Variants in CSNK1G2 observed in about 807,000 individuals in gnomAD.
The protein encoded by CSNK1G2 is casein kinase 1 gamma 2.
A neutral mutation model predicts 48.0 loss-of-function variants in CSNK1G2; 11 were observed. The ratio of observed to expected loss-of-function variants is 0.23; its 90% CI spans 0.14 to 0.38. CSNK1G2 has a LOEUF of 0.38. Ranked by LOEUF, CSNK1G2 falls within the 10% of genes least tolerant of loss-of-function variation. The pLI is 1.00. For synonymous variants in CSNK1G2, 337 were observed against 254.1 expected, an observed-to-expected ratio of 1.33 and a Z score of -3.10; for missense variants, 446 against 595.5, an observed-to-expected ratio of 0.75 and a Z score of 2.61.
At chr19:1,956,163 G>A (rs1364652201) in intron 1 of CSNK1G2, among the ~76,000 whole-genome samples, 2 of 152,144 alleles carry the variant, frequency 1.3e-5, no homozygotes, top group African/African-American at 2.4e-5. Flanking sequence ...CCACCCAGAC[G>A]AGGGGCCGGG....
At position 1,979,166 on chromosome 19, in the gene CSNK1G2, A is replaced by AGAGCC; in HGVS notation, c.688_692dup (p.Arg232AlafsTer135). On this transcript the variant is annotated frameshift_variant, in exon 7 of 12. Transcript: ENST00000255641. LOFTEE classifies it high-confidence loss of function. ...GGCTGCGCCCCTGTCCCCGCAGAGC[A>AGAGCC]GAGCCGCCGCGACGACCTGGAGGCG... The AGAGCC allele has an allele frequency of 1.3e-6, 2 of 1,528,396 alleles. No individual in the cohort carries two copies. Among genetic ancestry groups the AGAGCC allele is most frequent in the Non-Finnish European group, 1.8e-6 (2 of 1,136,730 alleles). 94.7% of individuals were successfully genotyped at this position (1,528,396 alleles called of 1,614,324 possible). A position where few individuals can be genotyped will look rare whatever the true frequency, so the allele number is the denominator to read the frequency against.
chr19:1,943,967 G>A (rs897172287), intron 1 of CSNK1G2, among the ~76,000 whole-genome samples: 3 of 152,172 alleles, frequency 2.0e-5, no homozygotes, highest in Non-Finnish European at 4.4e-5. Flanking sequence ...TGCGGGCCTC[G>A]GGTGGCAGTG....
intron 1 of CSNK1G2, chr19:1,968,827 C>G (rs1177391959): frequency 1.3e-5 from 2 of 152,614 alleles, no homozygotes; most frequent in African/African-American, 4.8e-5. Flanking sequence ...TCCGACCCAG[C>G]CTGGCATCAT....
intron 1 of CSNK1G2, among the ~76,000 whole-genome samples, chr19:1,966,665 CAG>C (rs528186070): frequency 5.2e-4 from 79 of 152,218 alleles, no homozygotes; most frequent in African/African-American, 1.7e-3. Flanking sequence ...TCACGCCCCA[CAG>C]AGAAATCTTT....
rs746402026 is a variant in CSNK1G2, at chr19:1,953,339, C to T, written c.-266+11921C>T. ...AGGCTGCTGAGGTGGCGCAGGGTTG[C>T]TGTGGGGGCCTGTGCGCCATGGGGG... is the stretch of plus-strand genomic sequence containing the variant. On this transcript the variant is annotated intron_variant, in intron 1 of 11. Coordinates refer to ENST00000255641, the MANE Select transcript of CSNK1G2 (RefSeq NM_001319.7). 5.7e-6 allele frequency: 3 copies of T among 529,748 alleles called. No homozygotes were observed. The African/African-American group carries it at 5.8e-5, about 10-fold the overall frequency. 32.8% of individuals were successfully genotyped at this position (529,748 alleles called of 1,614,324 possible).
intron 1 of CSNK1G2, among the ~76,000 whole-genome samples, chr19:1,958,369 G>C (rs1308318822): frequency 6.6e-6 from 1 of 151,978 alleles, no homozygotes; most frequent in Non-Finnish European, 1.5e-5. Flanking sequence ...CCGTGGGGTT[G>C]GTGCACCAGG....
chr19:1,979,041 G>A lies in CSNK1G2; in HGVS notation c.630G>A (p.Lys210=). The A allele has an allele frequency of 6.3e-7, 1 of 1,597,950 alleles. No individual in the cohort carries two copies. The change falls in exon 6 of 12, where the codon AAG becomes AAA. Residue 210 remains lysine, a synonymous_variant. Coordinates refer to ENST00000255641, the MANE Select transcript of CSNK1G2 (RefSeq NM_001319.7). ...TKKHIPYREH[K]SLTGTARYMS... is the part of the protein sequence containing the mutation. Reference sequence around the variant, plus strand: ...AGCACATCCCGTACCGCGAGCACAAGAGCCTGACGGGCACGGCGCGCTACA... The same window carrying A: ...AGCACATCCCGTACCGCGAGCACAAAAGCCTGACGGGCACGGCGCGCTACA...
At chr19:1,968,638 C>T (rs1046944125) in intron 1 of CSNK1G2, among the ~76,000 whole-genome samples, 1 of 152,200 alleles carries the variant, frequency 6.6e-6, no homozygotes, top group Non-Finnish European at 1.5e-5. Context: ...GGGGTCCCAC[C>T]ATCCCGGGAG....
At chr19:1,948,663 A>G (rs1599283072) in intron 1 of CSNK1G2, among the ~76,000 whole-genome samples, 1 of 152,190 alleles carries the variant, frequency 6.6e-6, no homozygotes, top group East Asian at 1.9e-4. Flanking sequence ...CACGTTTGGT[A>G]AAATTCGGCA....
At position 1,943,601 on chromosome 19, in the gene CSNK1G2, G is replaced by A. The variant is rs541708243; in HGVS notation, c.-266+2183G>A. Reference sequence around the variant, plus strand: ...TGGGGATTGGGGTAGTCCTGTTGGTGTGCCAGGCACGGTTGGGAGGGGGGG... The same window carrying A: ...TGGGGATTGGGGTAGTCCTGTTGGTATGCCAGGCACGGTTGGGAGGGGGGG... On this transcript the variant is annotated intron_variant, in intron 1 of 11. Transcript: ENST00000255641. Among the ~76,000 whole-genome samples, 32 of 152,056 alleles carry A rather than the reference G, an allele frequency of 2.1e-4. 1 individual carries two copies. The South Asian group carries it at 6.7e-3, about 32-fold the overall frequency.
chr19:1,978,374 C>T lies in CSNK1G2; in HGVS notation c.228+29C>T. 1 of 1,612,590 alleles carries T rather than the reference C, an allele frequency of 6.2e-7. No individual in the cohort carries two copies. Among genetic ancestry groups the T allele is most frequent in the South Asian group, 1.1e-5 (1 of 91,076 alleles). On this transcript the variant is annotated intron_variant, in intron 3 of 11. Transcript: ENST00000255641. The surrounding 1 kb of genome is among the most constrained non-coding windows in gnomAD (Gnocchi z 7.3). ...AGTCGGCCCCTCCACCCCACCCCCG[C>T]TGACGTGCCCCCCAGGGATTTCAGG... is the stretch of plus-strand genomic sequence containing the variant.
chr19:1,964,777 G>T (rs973672156), intron 1 of CSNK1G2, among the ~76,000 whole-genome samples: 1 of 151,104 alleles, frequency 6.6e-6, no homozygotes, highest in African/African-American at 2.4e-5. Context: ...CCAGGCTGGA[G>T]TGCAGTGGTG....
At chr19:1,956,525 A>G (rs8100279) in intron 1 of CSNK1G2, among the ~76,000 whole-genome samples, 116,952 of 151,978 alleles carry the variant, frequency 0.77, 45,500 homozygotes, top group Non-Finnish European at 0.83. Flanking sequence ...TCAAAAAACA[A>G]AAGACCACGC....
intron 1 of CSNK1G2, among the ~76,000 whole-genome samples, chr19:1,955,594 G>A (rs1443326062): frequency 5.4e-5 from 8 of 148,990 alleles, no homozygotes; most frequent in East Asian, 1.9e-4. Flanking sequence ...GGGCTTCTCC[G>A]TCCATGTCAG....
intron 2 of CSNK1G2, among the ~76,000 whole-genome samples, chr19:1,970,656 G>A (rs1443118690): frequency 1.3e-5 from 2 of 152,210 alleles, no homozygotes; most frequent in Admixed American, 6.5e-5. Context: ...TGATTAGCTG[G>A]GCCAGGGAGC....
chr19:1,973,484 A>G (rs2015646788), intron 2 of CSNK1G2, among the ~76,000 whole-genome samples: 2 of 152,234 alleles, frequency 1.3e-5, no homozygotes, highest in Non-Finnish European at 2.9e-5. Flanking sequence ...TGCTGGGATT[A>G]CAGGCGTGGG....
At chr19:1,962,055 C>T (rs976689810) in intron 1 of CSNK1G2, among the ~76,000 whole-genome samples, 6 of 152,218 alleles carry the variant, frequency 3.9e-5, no homozygotes, top group South Asian at 2.1e-4. Context: ...CCTGGCCAGG[C>T]GCGGTGGCTC....
intron 1 of CSNK1G2, among the ~76,000 whole-genome samples, chr19:1,948,629 C>CT (rs929229979): frequency 2.0e-5 from 3 of 151,760 alleles, no homozygotes; most frequent in Admixed American, 1.3e-4. Context: ...GCATGAGCCA[C>CT]TTTTTTTTGC....
In CSNK1G2 at chr19:1,980,274, CG is replaced by C; in HGVS notation, c.*75del. ...GGGGCGCGACCTTGTGCGAGGCCCT[CG>C]GGGCCCACCCACAGCGGCCCAGGGC... On this transcript the variant is annotated 3_prime_UTR_variant, in exon 12 of 12. Transcript: ENST00000255641. 2 of 1,572,082 alleles carry C rather than the reference CG, an allele frequency of 1.3e-6. No individual in the cohort carries two copies. Among genetic ancestry groups the C allele is most frequent in the Non-Finnish European group, 1.7e-6 (2 of 1,145,684 alleles).
Sources: gnomAD v4.1 joint callset for allele counts (sites outside exome capture counted in the v4.1 genomes callset) on GRCh38, gnomAD v4.1.1 for gene constraint, Gnocchi (gnomAD v3.1) non-coding constraint, MANE v1.5 for transcripts, NCBI Gene and HGNC (gene_info 2026-07-23, HGNC 2026-07-21) for gene names.